The following ZNF892 variants were observed in gnomAD, a reference collection of about 807,000 sequenced individuals.
ZNF892 encodes zinc finger protein 892.
At chr2:95,256,549 C>T in the ZNF892 span, among the ~76,000 whole-genome samples, 1 of 152,110 alleles carries the variant, frequency 6.6e-6, no homozygotes, top group Non-Finnish European at 1.5e-5. Flanking sequence ...AATTATGTGT[C>T]TTGGAGTTGC....
chr2:95,239,753 T>G, the ZNF892 span, among the ~76,000 whole-genome samples: 1 of 152,094 alleles, frequency 6.6e-6, no homozygotes, highest in African/African-American at 2.4e-5. Context: ...TCAGCCTCCC[T>G]AGTAGCTGGG....
At chr2:95,209,886 A>G in the ZNF892 span, among the ~76,000 whole-genome samples, 1 of 152,186 alleles carries the variant, frequency 6.6e-6, no homozygotes, top group Non-Finnish European at 1.5e-5. Context: ...TTAAGGGGCC[A>G]TAAACTTAAA....
chr2:95,228,886 T>A, the ZNF892 span, among the ~76,000 whole-genome samples: 11 of 152,178 alleles, frequency 7.2e-5, no homozygotes, highest in Non-Finnish European at 1.5e-4. Flanking sequence ...AAGTTACCCC[T>A]CTGCTCACTG....
the ZNF892 span, among the ~76,000 whole-genome samples, chr2:95,236,118 C>T: frequency 1.3e-5 from 2 of 152,196 alleles, no homozygotes; most frequent in Admixed American, 1.3e-4. Context: ...CCTCTAGTTC[C>T]TTAAATCTGT....
At chr2:95,225,494 G>C in the ZNF892 span, among the ~76,000 whole-genome samples, 1 of 152,208 alleles carries the variant, frequency 6.6e-6, no homozygotes, top group Non-Finnish European at 1.5e-5. Context: ...AATGGCACCA[G>C]TTGCACCCAC....
the ZNF892 span, among the ~76,000 whole-genome samples, chr2:95,213,552 C>T: frequency 6.6e-6 from 1 of 152,178 alleles, no homozygotes; most frequent in South Asian, 2.1e-4. Context: ...TTTTGACCTT[C>T]CCCTCCCAAC....
chr2:95,261,281 G>T, the ZNF892 span, among the ~76,000 whole-genome samples: 1 of 151,626 alleles, frequency 6.6e-6, no homozygotes, highest in Non-Finnish European at 1.5e-5. Context: ...ATTTGTCAAA[G>T]ACCCTTACAC....
chr2:95,261,443 C>T, the ZNF892 span, among the ~76,000 whole-genome samples: 3 of 152,000 alleles, frequency 2.0e-5, no homozygotes, highest in Admixed American at 6.6e-5. Flanking sequence ...TACAGGCACC[C>T]GCCACCATGC....
chr2:95,237,134 C>A, the ZNF892 span, among the ~76,000 whole-genome samples: 12 of 150,336 alleles, frequency 8.0e-5, no homozygotes, highest in Admixed American at 3.3e-4. Context: ...CATCTATGAT[C>A]AGTGAGCTTT....
the ZNF892 span, among the ~76,000 whole-genome samples, chr2:95,254,550 G>T: frequency 3.4e-4 from 51 of 152,112 alleles, no homozygotes; most frequent in Non-Finnish European, 7.1e-4. Flanking sequence ...CTCTTTTTTT[G>T]TTGTGTCTCT....
chr2:95,250,018 T>C, the ZNF892 span, among the ~76,000 whole-genome samples: 7 of 152,314 alleles, frequency 4.6e-5, no homozygotes, highest in East Asian at 9.6e-4. Flanking sequence ...TTAACAATTA[T>C]GTTTGAATTG....
At chr2:95,228,908 T>C in the ZNF892 span, among the ~76,000 whole-genome samples, 1 of 152,216 alleles carries the variant, frequency 6.6e-6, no homozygotes, top group Non-Finnish European at 1.5e-5. Flanking sequence ...GATAGATTCA[T>C]ATCTGATTTG....
At chr2:95,250,579 A>G in the ZNF892 span, among the ~76,000 whole-genome samples, 1 of 145,944 alleles carries the variant, frequency 6.9e-6, no homozygotes, top group African/African-American at 2.5e-5. Context: ...AAATTTATAA[A>G]TATAAGCTAT....
chr2:95,239,937 T>C, the ZNF892 span, among the ~76,000 whole-genome samples: 3 of 152,146 alleles, frequency 2.0e-5, no homozygotes, highest in African/African-American at 7.2e-5. Flanking sequence ...ACCTACGGGA[T>C]AGTTTAAACA....
the ZNF892 span, among the ~76,000 whole-genome samples, chr2:95,243,203 C>A: frequency 2.6e-5 from 4 of 152,252 alleles, no homozygotes; most frequent in East Asian, 5.8e-4. Flanking sequence ...CTCGCTACAA[C>A]CTCCACCTCC....
chr2:95,244,243 C>T, the ZNF892 span, among the ~76,000 whole-genome samples: 2 of 149,356 alleles, frequency 1.3e-5, no homozygotes, highest in African/African-American at 4.9e-5. Context: ...AAACCAGAGA[C>T]CTTTGTTCAC....
the ZNF892 span, chr2:95,208,626 TG>T: frequency 2.5e-6 from 1 of 398,620 alleles, no homozygotes; most frequent in Non-Finnish European, 4.4e-6. Flanking sequence ...GTAATCATCA[TG>T]GCTCCTGTCT....
the ZNF892 span, chr2:95,232,232 A>T: frequency 6.6e-6 from 1 of 152,238 alleles, no homozygotes; most frequent in African/African-American, 2.4e-5. Context: ...CCTGGGCTTC[A>T]CTGATGATTA....
chr2:95,234,990 A>G, the ZNF892 span, among the ~76,000 whole-genome samples: 9 of 152,122 alleles, frequency 5.9e-5, no homozygotes, highest in Admixed American at 2.6e-4. Context: ...TTCTTGGGCT[A>G]TCTCTGGGTG....
Sources: allele counts gnomAD v4.1 joint callset (sites outside exome capture counted in the v4.1 genomes callset), GRCh38; gene constraint gnomAD v4.1.1; transcripts MANE v1.5; gene names NCBI Gene and HGNC (gene_info 2026-07-23, HGNC 2026-07-21).